The following RSRC1 variants were observed in gnomAD, a reference collection of about 807,000 sequenced individuals.
The protein encoded by RSRC1 is serine/Arginine-related protein 53.
A neutral mutation model predicts 49.1 loss-of-function variants in RSRC1; 39 were observed. The ratio of observed to expected loss-of-function variants is 0.79; its 90% CI spans 0.61 to 1.04. The LOEUF is 1.04. RSRC1 is among the 50% of genes least tolerant of loss of function. The pLI, the probability that RSRC1 is intolerant of heterozygous loss-of-function variation, is 0.00. For synonymous variants in RSRC1, 143 were observed against 130.8 expected (o/e 1.09, Z -0.63); for missense variants, 388 against 402.4 (o/e 0.96, Z 0.31).
intron 6 of RSRC1, among the ~76,000 whole-genome samples, chr3:158,396,396 T>TG (rs1417773950): frequency 1.3e-5 from 2 of 151,902 alleles, no homozygotes; most frequent in Non-Finnish European, 1.5e-5. Flanking sequence ...GGCAATGTTT[T>TG]TTTTTTTTTT....
chr3:158,516,574 G>C (rs1157788961), intron 7 of RSRC1, among the ~76,000 whole-genome samples: 9 of 152,186 alleles, frequency 5.9e-5, no homozygotes, highest in African/African-American at 2.2e-4. Context: ...GCCCCCAGAG[G>C]TGGAGCCTAC....
chr3:158,433,234 A>G (rs913034803), intron 6 of RSRC1, among the ~76,000 whole-genome samples: 1 of 151,988 alleles, frequency 6.6e-6, no homozygotes, highest in Admixed American at 6.6e-5. Context: ...TTGTGGCAAA[A>G]TACTCTGAAT....
At chr3:158,518,084 G>A (rs4267683) in intron 7 of RSRC1, among the ~76,000 whole-genome samples, 16 of 126,756 alleles carry the variant, frequency 1.3e-4, no homozygotes, top group South Asian at 1.1e-3. Context: ...GCATATGTAC[G>A]TAAGTGCGTG....
intron 6 of RSRC1, among the ~76,000 whole-genome samples, chr3:158,414,807 A>G (rs906876632): frequency 1.3e-5 from 2 of 152,112 alleles, no homozygotes; most frequent in Non-Finnish European, 2.9e-5. Flanking sequence ...TAATTCTTAC[A>G]TTTAATTTCT....
intron 4 of RSRC1, among the ~76,000 whole-genome samples, chr3:158,258,294 T>C (rs1459003359): frequency 1.4e-5 from 2 of 146,930 alleles, no homozygotes; most frequent in African/African-American, 4.9e-5. Flanking sequence ...TTCTCCATCA[T>C]ATTTATACAA....
chr3:158,444,811 GA>G (rs961726215), intron 6 of RSRC1, among the ~76,000 whole-genome samples: 1 of 151,676 alleles, frequency 6.6e-6, no homozygotes, highest in African/African-American at 2.4e-5. Context: ...AAATTTACAA[GA>G]AAAAAACAAC....
At chr3:158,275,247 A>T (rs1443012179) in intron 4 of RSRC1, among the ~76,000 whole-genome samples, 2 of 152,200 alleles carry the variant, frequency 1.3e-5, no homozygotes, top group Non-Finnish European at 2.9e-5. Context: ...TTCACCTTTT[A>T]TGTGAACTTA....
At chr3:158,275,430 T>C (rs1361023655) in intron 4 of RSRC1, among the ~76,000 whole-genome samples, 2 of 152,154 alleles carry the variant, frequency 1.3e-5, no homozygotes, top group Non-Finnish European at 2.9e-5. Flanking sequence ...ACCCAGCTAC[T>C]TGAAAGTAAA....
chr3:158,338,143 A>G (rs746391157), intron 5 of RSRC1, among the ~76,000 whole-genome samples: 3 of 151,978 alleles, frequency 2.0e-5, no homozygotes, highest in Non-Finnish European at 4.4e-5. Flanking sequence ...ATCCTCATCT[A>G]TGAAATATGT....
intron 6 of RSRC1, among the ~76,000 whole-genome samples, chr3:158,450,615 G>A (rs944551494): frequency 5.9e-5 from 9 of 151,844 alleles, no homozygotes; most frequent in Non-Finnish European, 1.0e-4. Flanking sequence ...TACCTGAGGA[G>A]AGCTGATATT....
At chr3:158,127,829 G>T (rs1261681871) in intron 3 of RSRC1, among the ~76,000 whole-genome samples, 1 of 143,170 alleles carries the variant, frequency 7.0e-6, no homozygotes, top group Non-Finnish European at 1.5e-5. Flanking sequence ...AGTCTTTATG[G>T]ACTGGCTTCT....
intron 5 of RSRC1, among the ~76,000 whole-genome samples, chr3:158,311,756 G>A (rs1728143612): frequency 6.6e-6 from 1 of 152,004 alleles, no homozygotes; most frequent in Non-Finnish European, 1.5e-5. Context: ...TAATAGATAT[G>A]TTAATTAGTT....
At chr3:158,186,723 A>G (rs1257280702) in intron 3 of RSRC1, among the ~76,000 whole-genome samples, 1 of 151,956 alleles carries the variant, frequency 6.6e-6, no homozygotes, top group Non-Finnish European at 1.5e-5. Flanking sequence ...AACCTTTGGC[A>G]TAGTGGGTGG....
chr3:158,375,551 A>T (rs571512221), intron 6 of RSRC1, among the ~76,000 whole-genome samples: 3 of 152,104 alleles, frequency 2.0e-5, no homozygotes, highest in South Asian at 4.2e-4. Flanking sequence ...AAATTCAGGA[A>T]ATTCAATTGG....
chr3:158,118,413 C>CTA (rs1714995732), intron 1 of RSRC1, among the ~76,000 whole-genome samples: 3 of 90,070 alleles, frequency 3.3e-5, no homozygotes, highest in Non-Finnish European at 2.1e-5. Flanking sequence ...ACCTGGCCTT[C>CTA]TGTGTGTGTG....
At position 158,293,785 on chromosome 3, in the gene RSRC1, G is replaced by C. The variant is rs559805736; in HGVS notation, c.495-4254G>C. Among the ~76,000 whole-genome samples, 177 of 151,970 alleles carry C rather than the reference G, an allele frequency of 1.2e-3. 1 individual carries two copies. Among genetic ancestry groups the C allele is most frequent in the Non-Finnish European group, 2.4e-3 (164 of 67,932 alleles). ...TTTGTATTTAAATAATAGTTTATTA[G>C]CTATGTGTTAATTCTTGGTTCACAG... On this transcript the variant is annotated intron_variant, in intron 4 of 9. Coordinates refer to ENST00000611884, the MANE Select transcript of RSRC1 (RefSeq NM_001271838.2).
In RSRC1 at chr3:158,443,412, T is replaced by C. The variant is rs553931164; in HGVS notation, c.584-17523T>C. 2.6e-5 allele frequency among the ~76,000 whole-genome samples: 4 copies of C among 152,134 alleles called. No homozygotes were observed. The South Asian group carries it at 8.3e-4, about 32-fold the overall frequency. ...AGCATTGCTGCTTCACCTTGCACTT[T>C]TATGTTATGAAGATTACTTCTTTCC... On this transcript the variant is annotated intron_variant, in intron 6 of 9. Transcript: ENST00000611884.
At chr3:158,376,887 A>G (rs141864281) in intron 6 of RSRC1, among the ~76,000 whole-genome samples, 3 of 152,154 alleles carry the variant, frequency 2.0e-5, no homozygotes, top group African/African-American at 4.8e-5. Context: ...TTGGCCTCAG[A>G]TACAGTGTTT....
chr3:158,409,556 T>G (rs1734322408), intron 6 of RSRC1, among the ~76,000 whole-genome samples: 1 of 152,222 alleles, frequency 6.6e-6, no homozygotes, highest in Non-Finnish European at 1.5e-5. Flanking sequence ...TCAGGCTTTC[T>G]TACTAGAAAG....
Sources: allele counts gnomAD v4.1 joint callset (sites outside exome capture counted in the v4.1 genomes callset), GRCh38; gene constraint gnomAD v4.1.1; transcripts MANE v1.5; gene names NCBI Gene and HGNC (gene_info 2026-07-23, HGNC 2026-07-21).